The following TRIM37 variants were observed in gnomAD, a reference collection of about 807,000 sequenced individuals.
The protein encoded by TRIM37 is tripartite motif containing 37, also known as E3 ubiquitin-protein ligase TRIM37.
A neutral mutation model predicts 129.8 loss-of-function variants in TRIM37; 80 were observed. The observed-to-expected ratio is 0.62, with a 90% confidence interval of 0.51 to 0.74. The LOEUF is 0.74. TRIM37 is among the 30% of genes least tolerant of loss of function. The pLI is 0.00. For missense variants in TRIM37, 1,054 were observed against 1,176.5 expected, an observed-to-expected ratio of 0.90 and a Z score of 1.52; for synonymous variants, 389 against 387.1, an observed-to-expected ratio of 1.00 and a Z score of -0.06.
In TRIM37 at chr17:59,089,612, G is replaced by A. The variant is rs145814833; in HGVS notation, c.165-1205C>T. Among the ~76,000 whole-genome samples the A allele has an allele frequency of 2.4e-3, 359 of 152,278 alleles. 3 individuals carry two copies. Among genetic ancestry groups the A allele is most frequent in the African/African-American group, 8.3e-3 (345 of 41,566 alleles). On this transcript the variant is annotated intron_variant, in intron 3 of 23. Coordinates refer to ENST00000262294, the MANE Select transcript of TRIM37 (RefSeq NM_015294.6). ...GCCAAGATTGCGCCACTGCACCCCA[G>A]CCTGGCGAAAGAGTGAGACTCCATC...
At chr17:59,067,776 T>TC (rs1160868316) in intron 9 of TRIM37, among the ~76,000 whole-genome samples, 1 of 144,208 alleles carries the variant, frequency 6.9e-6, no homozygotes, top group Non-Finnish European at 1.6e-5. Context: ...CTTCAGGTGA[T>TC]CCGCCCGCCT....
chr17:59,072,720 C>T (rs1186570228), intron 8 of TRIM37, among the ~76,000 whole-genome samples: 4 of 149,172 alleles, frequency 2.7e-5, no homozygotes, highest in East Asian at 2.0e-4. Flanking sequence ...TGCACTCCAG[C>T]GTGGGCGACA....
intron 16 of TRIM37, among the ~76,000 whole-genome samples, chr17:59,045,365 C>T (rs553573998): frequency 4.7e-5 from 7 of 149,548 alleles, no homozygotes; most frequent in Non-Finnish European, 7.4e-5. Flanking sequence ...TACGGCTGGG[C>T]GAAGTGGATC....
Position 59,012,890 on chromosome 17 carries a change from T to A in TRIM37, c.2577-444A>T, listed in dbSNP as rs778255559. On this transcript the variant is annotated intron_variant, in intron 21 of 23. Transcript: ENST00000262294. ...GACTCTGTCTCAAAAAAAAAAAAAA[T>A]TTTTTTTTCACTAAATATTCACAAA... Among the ~76,000 whole-genome samples, 276 of 132,442 alleles carry A rather than the reference T, an allele frequency of 2.1e-3. 2 individuals are homozygous for A. The highest frequency in any genetic ancestry group is 9.7e-3 in the East Asian group (45 of 4,630). 86.9% of individuals were successfully genotyped at this position (132,442 alleles called of 152,430 possible). A position where few individuals can be genotyped will look rare whatever the true frequency, so the allele number is the denominator to read the frequency against.
Position 58,999,102 on chromosome 17 carries a change from T to C in TRIM37, c.*275A>G, listed in dbSNP as rs1394788605. Reference sequence around the variant, plus strand: ...CTTCTGCTGTAGTAGACAAACTGCCTTTTGTGAATGTACAAATTTGCTAAA... The same window carrying C: ...CTTCTGCTGTAGTAGACAAACTGCCCTTTGTGAATGTACAAATTTGCTAAA... On this transcript the variant is annotated 3_prime_UTR_variant, in exon 24 of 24. Transcript: ENST00000262294. 2.4e-6 allele frequency: 3 copies of C among 1,257,836 alleles called. No individual in the cohort carries two copies. The highest frequency in any genetic ancestry group is 3.0e-6 in the Non-Finnish European group (3 of 993,566). The allele number at this position is 1,257,836 out of a possible 1,614,324, so 77.9% of individuals were successfully genotyped here.
At chr17:59,063,324 C>CAT (rs1256466775) in intron 10 of TRIM37, among the ~76,000 whole-genome samples, 1 of 152,098 alleles carries the variant, frequency 6.6e-6, no homozygotes, top group East Asian at 1.9e-4. Flanking sequence ...GGATTACAGG[C>CAT]GCCCACCACC....
intron 13 of TRIM37, among the ~76,000 whole-genome samples, 159 bp downstream of exon 13, chr17:59,056,716 C>CAAA (rs869221576): frequency 0.057 from 2,157 of 37,940 alleles, 675 homozygotes; most frequent in Middle Eastern, 0.13. Context: ...ACTATGTCTC[C>CAAA]AAAAAAAAAA....
intron 10 of TRIM37, among the ~76,000 whole-genome samples, chr17:59,063,179 T>A (rs1462648201): frequency 6.6e-6 from 1 of 151,858 alleles, no homozygotes; most frequent in Non-Finnish European, 1.5e-5. Flanking sequence ...TTTTTTTTTT[T>A]TTGAGATAGA....
chr17:59,097,562 A>AT (rs1568251513), intron 2 of TRIM37, among the ~76,000 whole-genome samples: 1 of 152,050 alleles, frequency 6.6e-6, no homozygotes, highest in African/African-American at 2.4e-5. Context: ...GAAAAAAAAA[A>AT]CCAAGAATTT....
chr17:58,978,538 C>T (rs1487150782), downstream of TRIM37, among the ~76,000 whole-genome samples: 6 of 152,136 alleles, frequency 3.9e-5, no homozygotes, highest in East Asian at 1.2e-3. Flanking sequence ...TGGTGAAACC[C>T]CGTCTCTAAT....
In TRIM37 at chr17:59,072,774, A is replaced by G. The variant is rs528482584; in HGVS notation, c.685-1827T>C. 2.6e-5 allele frequency among the ~76,000 whole-genome samples: 4 copies of G among 151,998 alleles called. No homozygotes were observed. In the South Asian group the frequency reaches 6.2e-4, roughly 24 times the overall value. ...AAAAAAAAAAAAAGTATCATATATC[A>G]TATGATATATATCAAAGTTTATAGT... On this transcript the variant is annotated intron_variant, in intron 8 of 23. Coordinates refer to ENST00000262294, the MANE Select transcript of TRIM37 (RefSeq NM_015294.6).
chr17:58,973,557 G>A, the TRIM37 span, among the ~76,000 whole-genome samples: 1 of 151,976 alleles, frequency 6.6e-6, no homozygotes, highest in African/African-American at 2.4e-5. Flanking sequence ...GCTCACGCCT[G>A]TAATCCCAGC....
chr17:59,042,118 T>C (rs897826921), intron 16 of TRIM37, among the ~76,000 whole-genome samples: 2 of 152,064 alleles, frequency 1.3e-5, no homozygotes, highest in East Asian at 1.9e-4. Context: ...GGCTCATGCC[T>C]GTAATCCCAG....
intron 17 of TRIM37, among the ~76,000 whole-genome samples, chr17:59,037,990 T>C (rs1190764350): frequency 6.6e-6 from 1 of 152,142 alleles, no homozygotes; most frequent in Non-Finnish European, 1.5e-5. Context: ...TTTGTGGGTT[T>C]TTAGGGGGAA....
intron 22 of TRIM37, among the ~76,000 whole-genome samples, chr17:59,003,968 C>T (rs1364012745): frequency 1.4e-5 from 2 of 146,568 alleles, no homozygotes; most frequent in Non-Finnish European, 3.0e-5. Flanking sequence ...GCCAGGCACA[C>T]ATTGGTGTGC....
chr17:59,083,266 T>C lies in TRIM37; in HGVS notation c.369+736A>G, dbSNP rs569543809. On this transcript the variant is annotated intron_variant, in intron 5 of 23. Transcript: ENST00000262294. ...GCCTGACCAACATGGAGAAACCCCGTCTCTACTAAAAATACAAAATTAGCC... is the reference window on the plus strand; with the variant it reads ...GCCTGACCAACATGGAGAAACCCCGCCTCTACTAAAAATACAAAATTAGCC... Among the ~76,000 whole-genome samples the C allele has an allele frequency of 3.9e-5, 6 of 152,056 alleles. 1 individual carries two copies. Among genetic ancestry groups the C allele is most frequent in the African/African-American group, 1.4e-4 (6 of 41,480 alleles).
At chr17:59,061,248 T>C in intron 11 of TRIM37, 140 bp from the exon 12 acceptor site, 1 of 707,676 alleles carries the variant, frequency 1.4e-6, no homozygotes, top group South Asian at 1.7e-5. Context: ...ACCAATAGAT[T>C]TGAGTTCTTA....
chr17:59,079,387 C>T (rs1027345560), intron 7 of TRIM37, among the ~76,000 whole-genome samples: 2 of 152,096 alleles, frequency 1.3e-5, no homozygotes, highest in South Asian at 2.1e-4. Flanking sequence ...CAGGGGATGA[C>T]GCCGATGTTT....
chr17:59,065,852 T>C (rs953947267), intron 9 of TRIM37, among the ~76,000 whole-genome samples: 15 of 152,316 alleles, frequency 9.8e-5, no homozygotes, highest in Admixed American at 1.3e-4. Flanking sequence ...GACAAATAAT[T>C]CTTTATTTCA....
Sources: gnomAD v4.1 joint callset for allele counts (sites outside exome capture counted in the v4.1 genomes callset) on GRCh38, gnomAD v4.1.1 for gene constraint, MANE v1.5 for transcripts, NCBI Gene and HGNC (gene_info 2026-07-23, HGNC 2026-07-21) for gene names.